GABRR1: variants seen among roughly 807,000 people sequenced by gnomAD.
GABRR1 encodes gamma-aminobutyric acid receptor subunit rho-1.
Under a neutral mutation model 55.5 loss-of-function variants are expected in GABRR1, and 59 were observed. The ratio of observed to expected loss-of-function variants is 1.06; its 90% confidence interval spans 0.86 to 1.32. The LOEUF (loss-of-function observed/expected upper bound fraction) is 1.32. GABRR1 is among the 40% of genes most tolerant of loss of function. The probability of loss-of-function intolerance (pLI) is 0.00; values close to 1 mark genes in which losing one functional copy is unlikely to be tolerated. For missense variants in GABRR1, 602 were observed against 619.1 expected (o/e 0.97, Z 0.29); for synonymous variants, 213 against 226.0 (o/e 0.94, Z 0.51).
Position 89,199,400 on chromosome 6 carries a change from G to A in GABRR1, c.310C>T (p.Gln104Ter). 6.2e-7 allele frequency: 1 copy of A among 1,613,980 alleles called. No homozygotes were observed. The highest frequency in any genetic ancestry group is 8.5e-7 in the Non-Finnish European group (1 of 1,179,918). ...GAGATGCTATCCAAACTCTCCACCT[G>A]CACATCCACACCAACAGGAATGGCA... ...GPAIPVGVDV[Q>*]VESLDSISEV... The change falls in exon 4 of 10, where the codon CAG becomes TAG. Residue 104 changes from glutamine to a stop codon, truncating the protein, a stop_gained. Transcript: ENST00000454853. LOFTEE classifies it high-confidence loss of function.
intron 1 of GABRR1, among the ~76,000 whole-genome samples, chr6:89,213,654 T>G (rs1334168331): frequency 2.6e-5 from 4 of 152,234 alleles, no homozygotes; most frequent in Non-Finnish European, 4.4e-5. Context: ...CATATTTGCA[T>G]TATTATGCAG....
upstream of GABRR1, among the ~76,000 whole-genome samples, chr6:89,219,239 C>G (rs1459695364): frequency 1.3e-5 from 2 of 152,160 alleles, no homozygotes; most frequent in Admixed American, 6.6e-5. Flanking sequence ...GCACTCCAAC[C>G]TGGGCAATAA....
chr6:89,218,401 C>G (rs1330088477), upstream of GABRR1, among the ~76,000 whole-genome samples: 1 of 152,094 alleles, frequency 6.6e-6, no homozygotes, highest in African/African-American at 2.4e-5. Context: ...AGGTTCTGTT[C>G]CCAGATCGTA....
chr6:89,196,822 G>GGAAAGAAAGAAAGAAAGAAA lies in GABRR1; in HGVS notation c.572+1178_572+1197dup, dbSNP rs59446411. ...AGAAAAGAAGAAAGAAAGAAAAGAAGGAAAGAAAGAAAGAAAGAAAGAAAG... is the reference window on the plus strand; with the variant it reads ...AGAAAAGAAGAAAGAAAGAAAAGAAGGAAAGAAAGAAAGAAAGAAAGAAAGAAAGAAAGAAAGAAAGAAAG... On this transcript the variant is annotated intron_variant, in intron 5 of 9. Transcript: ENST00000454853. Among the ~76,000 whole-genome samples, 616 of 91,118 alleles carry GGAAAGAAAGAAAGAAAGAAA rather than the reference G, an allele frequency of 6.8e-3. 5 individuals are homozygous for GGAAAGAAAGAAAGAAAGAAA. The highest frequency in any genetic ancestry group is 0.018 in the East Asian group (49 of 2,782). The allele number at this position is 91,118 out of a possible 152,430, so 59.8% of individuals were successfully genotyped here.
At position 89,212,129 on chromosome 6, in the gene GABRR1, T is replaced by C. The variant is rs769278993; in HGVS notation, c.122+5072A>G. On this transcript the variant is annotated intron_variant, in intron 1 of 9. Coordinates refer to ENST00000454853, the MANE Select transcript of GABRR1 (RefSeq NM_002042.5). ...TCACCCCCAAACCTAATCCTCCACC[T>C]GCTCTCCTTCCTGGCATCACCATCT... 42 of 607,190 alleles carry C rather than the reference T, an allele frequency of 6.9e-5. 16 individuals carry two copies. The highest frequency in any genetic ancestry group is 3.7e-4 in the Admixed American group (2 of 5,406). The allele number at this position is 607,190 out of a possible 1,614,324, so 37.6% of individuals were successfully genotyped here.
chr6:89,225,229 G>C (rs540250637), intron 1 of GABRR1, among the ~76,000 whole-genome samples: 70 of 150,324 alleles, frequency 4.7e-4, no homozygotes, highest in Non-Finnish European at 8.9e-4. Flanking sequence ...GTTGAATAGG[G>C]TGTACTTTCC....
At chr6:89,195,126 C>G (rs947698581) in intron 5 of GABRR1, among the ~76,000 whole-genome samples, 22 of 151,954 alleles carry the variant, frequency 1.4e-4, no homozygotes, top group Admixed American at 4.6e-4. Context: ...AGAGAGGATC[C>G]CAAAAGCAGC....
chr6:89,187,228 T>G (rs932601137), intron 6 of GABRR1, among the ~76,000 whole-genome samples: 5 of 151,958 alleles, frequency 3.3e-5, no homozygotes, highest in African/African-American at 4.8e-5. Flanking sequence ...TGTGTGTGTG[T>G]GTTGTGTTGT....
upstream of GABRR1, among the ~76,000 whole-genome samples, chr6:89,219,339 G>A (rs1016608553): frequency 1.3e-5 from 2 of 152,182 alleles, no homozygotes; most frequent in African/African-American, 4.8e-5. Flanking sequence ...CTTCTAGGCA[G>A]GAGCTAATTT....
chr6:89,205,971 G>A (rs1562307143), intron 1 of GABRR1, among the ~76,000 whole-genome samples: 1 of 142,822 alleles, frequency 7.0e-6, no homozygotes, highest in Non-Finnish European at 1.5e-5. Context: ...GACATGTACT[G>A]CTCATAGGGC....
At chr6:89,184,305 T>TCAAAACC (rs1042912980) in intron 7 of GABRR1, among the ~76,000 whole-genome samples, 1 of 147,904 alleles carries the variant, frequency 6.8e-6, no homozygotes, top group African/African-American at 2.5e-5. Context: ...ATCGATGTAA[T>TCAAAACC]CAAAACCCAC....
At chr6:89,185,187 AG>A (rs1207985997) in intron 7 of GABRR1, 122 bp downstream of exon 7, 32 of 1,264,616 alleles carry the variant, frequency 2.5e-5, no homozygotes, top group Non-Finnish European at 3.5e-5. Context: ...CTCTGTCTTT[AG>A]TTTCAAATAT....
At chr6:89,179,217 GT>G (rs1185992809) in intron 9 of GABRR1, among the ~76,000 whole-genome samples, 154 bp from the exon 10 acceptor site, 1,798 of 143,626 alleles carry the variant, frequency 0.013, 27 homozygotes, top group Non-Finnish European at 0.015. Flanking sequence ...TTTTGTTTTT[GT>G]TTTTTTTTTG....
chr6:89,203,267 G>C (rs4457138), intron 2 of GABRR1, among the ~76,000 whole-genome samples, 168 bp downstream of exon 2: 105,131 of 151,882 alleles, frequency 0.69, 36,677 homozygotes, highest in East Asian at 0.92. Context: ...GAGCCACCCC[G>C]CCACCCCTGA....
intron 6 of GABRR1, 107 bp downstream of exon 6, chr6:89,190,058 A>C (rs1772037971): frequency 4.4e-6 from 3 of 686,174 alleles, no homozygotes; most frequent in South Asian, 5.6e-5. Context: ...AAAAAAAAAA[A>C]AGTCTACTCA....
chr6:89,182,088 C>T (rs763270769), intron 7 of GABRR1, 31 bp from the exon 8 acceptor site: 10 of 1,609,104 alleles, frequency 6.2e-6, no homozygotes, highest in Non-Finnish European at 7.6e-6. Flanking sequence ...AGACAGTACA[C>T]ATCATGGCTC....
At chr6:89,219,699 G>T (rs1447367660), upstream of GABRR1, among the ~76,000 whole-genome samples, 4 of 152,214 alleles carry the variant, frequency 2.6e-5, no homozygotes, top group African/African-American at 9.6e-5. Context: ...GTAGCAAACT[G>T]ATAGTAACGC....
Position 89,185,468 on chromosome 6 carries a change from A to C in GABRR1, c.656-18T>G. The C allele has an allele frequency of 1.2e-6, 2 of 1,611,840 alleles. No individual in the cohort carries two copies. Among genetic ancestry groups the C allele is most frequent in the Non-Finnish European group, 1.7e-6 (2 of 1,177,976 alleles). Reference sequence around the variant, plus strand: ...ATAGGCATCTGAAAAGACAGGGGCCAGCATCAGACACAAGGTGGTGGCAAG... The same window carrying C: ...ATAGGCATCTGAAAAGACAGGGGCCCGCATCAGACACAAGGTGGTGGCAAG... On this transcript the variant is annotated intron_variant, in intron 6 of 9. Coordinates refer to ENST00000454853, the MANE Select transcript of GABRR1 (RefSeq NM_002042.5).
At position 89,222,553 on chromosome 6, in the gene GABRR1, T is replaced by C. The variant is rs550980167; in HGVS notation, c.-410-1107A>G. 7.9e-5 allele frequency among the ~76,000 whole-genome samples: 12 copies of C among 152,372 alleles called. No homozygotes were observed. In the South Asian group the frequency reaches 2.5e-3, roughly 32 times the overall value. ...GCTTCCAAAGGAACCACCCCCGTTC[T>C]GCATCTGCTCGTTTAATTCAGGTCA... On this transcript the variant is annotated intron_variant, in intron 1 of 11. Transcript: ENST00000369451.
Sources: allele counts gnomAD v4.1 joint callset (sites outside exome capture counted in the v4.1 genomes callset), GRCh38; gene constraint gnomAD v4.1.1; transcripts MANE v1.5; gene names NCBI Gene and HGNC (gene_info 2026-07-23, HGNC 2026-07-21).